The following PPP1R13B variants were observed in gnomAD, a reference collection of about 807,000 sequenced individuals.
The protein encoded by PPP1R13B is protein phosphatase 1 regulatory subunit 13B, also known as apoptosis-stimulating of p53 protein 1.
In PPP1R13B, 44 loss-of-function variants were observed where a neutral mutation model predicts 119.8. The observed-to-expected ratio is 0.37, with a 90% CI of 0.29 to 0.47. The LOEUF is 0.47. Among genes scored for constraint, PPP1R13B ranks in the 20% least tolerant of loss-of-function variants. PPP1R13B has a pLI of 0.99. For synonymous variants in PPP1R13B, 542 were observed against 561.5 expected (o/e 0.97, Z 0.49); for missense variants, 1,227 against 1,413.5 (o/e 0.87, Z 2.12).
chr14:103,751,832 A>G (rs1427867086), intron 7 of PPP1R13B, among the ~76,000 whole-genome samples: 1 of 152,266 alleles, frequency 6.6e-6, no homozygotes, highest in East Asian at 1.9e-4. Flanking sequence ...TAAGCCATCC[A>G]GCCTATGATA....
chr14:103,783,012 G>C (rs1174373522), intron 3 of PPP1R13B, among the ~76,000 whole-genome samples: 1 of 151,956 alleles, frequency 6.6e-6, no homozygotes, highest in African/African-American at 2.4e-5. Flanking sequence ...CACCATGTTG[G>C]CCAGGCTGGT....
At position 103,811,239 on chromosome 14, in the gene PPP1R13B, T is replaced by G. The variant is rs115912735; in HGVS notation, c.10-13721A>C. Reference sequence around the variant, plus strand: ...CAGACTATGACCTCTTAGTGGGCTCTAAAATCAATTAGTGCCTCAGGACCA... The same window carrying G: ...CAGACTATGACCTCTTAGTGGGCTCGAAAATCAATTAGTGCCTCAGGACCA... On this transcript the variant is annotated intron_variant, in intron 1 of 16. Coordinates refer to ENST00000202556, the MANE Select transcript of PPP1R13B (RefSeq NM_015316.3). Among the ~76,000 whole-genome samples the G allele has an allele frequency of 1.9e-3, 284 of 152,258 alleles. 1 individual carries two copies. The highest frequency in any genetic ancestry group is 6.6e-3 in the African/African-American group (273 of 41,564).
chr14:103,745,414 A>G (rs1257147061), intron 9 of PPP1R13B, among the ~76,000 whole-genome samples: 2 of 152,272 alleles, frequency 1.3e-5, no homozygotes, highest in East Asian at 1.9e-4. Context: ...GTTTCAATAC[A>G]TCAGGACAGG....
chr14:103,813,735 T>G (rs575721979), intron 1 of PPP1R13B, among the ~76,000 whole-genome samples: 2 of 152,270 alleles, frequency 1.3e-5, no homozygotes, highest in Admixed American at 1.3e-4. Context: ...TCTCCTGACA[T>G]TTTGACACGT....
intron 1 of PPP1R13B, among the ~76,000 whole-genome samples, chr14:103,818,933 G>C (rs963183859): frequency 3.9e-5 from 6 of 152,230 alleles, no homozygotes; most frequent in African/African-American, 1.4e-4. Flanking sequence ...ACTGGGAATG[G>C]GGCAATTTTA....
chr14:103,737,849 T>G lies in PPP1R13B; in HGVS notation c.2876A>C (p.His959Pro), dbSNP rs1595703597. 6.2e-7 allele frequency: 1 copy of G among 1,613,794 alleles called. No individual in the cohort carries two copies. Among genetic ancestry groups the G allele is most frequent in the Non-Finnish European group, 8.5e-7 (1 of 1,179,932 alleles). ...AACGCTGTTACAAGAGGCAGCGCAGTGCAGCGGCGTCCTGGAATAGAGCGT... is the reference window on the plus strand; with the variant it reads ...AACGCTGTTACAAGAGGCAGCGCAGGGCAGCGGCGTCCTGGAATAGAGCGT... ...AADSDGWTPL[H>P]CAASCNSVHL... Residue 959 changes from histidine (H) to proline (P), a missense_variant, in exon 15 of 17, where the codon CAC becomes CCC. By Grantham distance (77) the His-to-Pro change is moderately conservative (BLOSUM62 -2). Coordinates refer to ENST00000202556, the MANE Select transcript of PPP1R13B (RefSeq NM_015316.3).
intron 1 of PPP1R13B, among the ~76,000 whole-genome samples, chr14:103,825,824 G>GTC (rs2086524462): frequency 6.7e-6 from 1 of 149,438 alleles, no homozygotes; most frequent in Non-Finnish European, 1.5e-5. Context: ...AAACAACACT[G>GTC]TAGACAGTGA....
At position 103,785,440 on chromosome 14, in the gene PPP1R13B, A is replaced by T. The variant is rs138142594; in HGVS notation, c.158-526T>A. Among the ~76,000 whole-genome samples, 1,471 of 151,198 alleles carry T rather than the reference A, an allele frequency of 9.7e-3. 22 individuals carry two copies. The highest frequency in any genetic ancestry group is 0.034 in the African/African-American group (1,406 of 41,082). ...ACCATGTTAGCCAGGCTGGTCTCAAACTCCTGACCCCAGGTGATCCACCCG... is the reference window on the plus strand; with the variant it reads ...ACCATGTTAGCCAGGCTGGTCTCAATCTCCTGACCCCAGGTGATCCACCCG... On this transcript the variant is annotated intron_variant, in intron 2 of 16. Coordinates refer to ENST00000202556, the MANE Select transcript of PPP1R13B (RefSeq NM_015316.3).
chr14:103,763,497 GAATA>G (rs1429623109), intron 4 of PPP1R13B, among the ~76,000 whole-genome samples: 1 of 151,708 alleles, frequency 6.6e-6, no homozygotes, highest in Non-Finnish European at 1.5e-5. Context: ...TTATTAAGTT[GAATA>G]GAGAGTTGAC....
chr14:103,765,019 C>T (rs1373445403), intron 4 of PPP1R13B, among the ~76,000 whole-genome samples: 1 of 152,116 alleles, frequency 6.6e-6, no homozygotes, highest in African/African-American at 2.4e-5. Context: ...GGGGTTTCAC[C>T]GTGTTAGCCA....
intron 9 of PPP1R13B, among the ~76,000 whole-genome samples, chr14:103,744,415 G>T (rs1322828939): frequency 6.6e-6 from 1 of 152,188 alleles, no homozygotes; most frequent in East Asian, 1.9e-4. Context: ...TCTTTCTAAG[G>T]ATGGGAGGGT....
intron 3 of PPP1R13B, 73 bp downstream of exon 3, chr14:103,784,722 T>C: frequency 5.6e-6 from 8 of 1,418,986 alleles, no homozygotes; most frequent in Non-Finnish European, 7.7e-6. Flanking sequence ...AATAATTTAA[T>C]ATTTATTCCT....
intron 3 of PPP1R13B, among the ~76,000 whole-genome samples, chr14:103,780,820 AAAAG>A (rs888735022): frequency 1.1e-4 from 17 of 151,996 alleles, no homozygotes; most frequent in Admixed American, 2.6e-4. Context: ...AAAAAAAAAA[AAAAG>A]AAAGGAAAAG....
chr14:103,784,876 G>A lies in PPP1R13B; in HGVS notation c.196C>T (p.Leu66Phe). 6.2e-7 allele frequency: 1 copy of A among 1,608,824 alleles called. No homozygotes were observed. The highest frequency in any genetic ancestry group is 8.5e-7 in the Non-Finnish European group (1 of 1,176,088). Residue 66 changes from leucine (L) to phenylalanine (F), a missense_variant, in exon 3 of 17, where the codon CTT becomes TTT. Physicochemically the swap from Leu to Phe is conservative, Grantham distance 22 (BLOSUM62 0). Coordinates refer to ENST00000202556, the MANE Select transcript of PPP1R13B (RefSeq NM_015316.3). ...IPFDHMMYEH[L>F]QKWGPRREEV... ...TCCCTCCGTGGACCCCATTTCTGAA[G>A]ATGTTCGTACATCATATGATCAAAG...
intron 2 of PPP1R13B, among the ~76,000 whole-genome samples, chr14:103,789,506 G>A (rs983847082): frequency 3.3e-5 from 5 of 151,872 alleles, no homozygotes; most frequent in South Asian, 2.1e-4. Context: ...GTGAACCACC[G>A]TGTCCGGCCA....
Position 103,742,286 on chromosome 14 carries a change from G to T in PPP1R13B, c.1326C>A (p.Ile442=), listed in dbSNP as rs146468081. The T allele has an allele frequency of 6.4e-7, 1 of 1,554,468 alleles. No individual in the cohort carries two copies. Among genetic ancestry groups the T allele is most frequent in the East Asian group, 2.3e-5 (1 of 44,332 alleles). The change falls in exon 11 of 17, where the codon ATC becomes ATA. Residue 442 remains isoleucine, a synonymous_variant. Transcript: ENST00000202556. The surrounding 1 kb of genome is among the most constrained non-coding windows in gnomAD (Gnocchi z 4.9). The part of the protein sequence containing the change: ...SALGPTEKPG[I]EIGKVPPPIP... Reference sequence around the variant, plus strand: ...TGGGAGGTGGCACTTTACCAATCTCGATGCCCTAAGTTTAGGTGTTAAGAA... The same window carrying T: ...TGGGAGGTGGCACTTTACCAATCTCTATGCCCTAAGTTTAGGTGTTAAGAA...
chr14:103,826,408 AG>A (rs768889359), intron 1 of PPP1R13B, among the ~76,000 whole-genome samples: 1 of 152,162 alleles, frequency 6.6e-6, no homozygotes, highest in Non-Finnish European at 1.5e-5. Context: ...CTTCACCAGG[AG>A]CTTCCCTAAC....
intron 1 of PPP1R13B, among the ~76,000 whole-genome samples, chr14:103,806,439 C>T (rs1005884317): frequency 6.6e-6 from 1 of 152,146 alleles, no homozygotes; most frequent in Admixed American, 6.6e-5. Flanking sequence ...CAATAACTCA[C>T]TTGGTAGGTT....
chr14:103,821,219 A>C (rs765400080), intron 1 of PPP1R13B, among the ~76,000 whole-genome samples: 1 of 152,342 alleles, frequency 6.6e-6, no homozygotes, highest in South Asian at 2.1e-4. Flanking sequence ...GTCAGTATTC[A>C]GTTACCTTGT....
Sources: gnomAD v4.1 joint callset for allele counts (sites outside exome capture counted in the v4.1 genomes callset) on GRCh38, gnomAD v4.1.1 for gene constraint, Gnocchi (gnomAD v3.1) non-coding constraint, MANE v1.5 for transcripts, NCBI Gene and HGNC (gene_info 2026-07-23, HGNC 2026-07-21) for gene names.